GPC5: variants seen among roughly 807,000 people sequenced by gnomAD.
GPC5 encodes the protein glypican 5.
Under a neutral mutation model 53.9 loss-of-function variants are expected in GPC5, and 47 were observed. The ratio of observed to expected loss-of-function variants is 0.87; its 90% CI spans 0.69 to 1.11. GPC5 has a LOEUF of 1.11. Among genes scored for constraint, GPC5 ranks in the 50% most tolerant of loss-of-function variants. The pLI is 0.00. For missense variants in GPC5, 748 were observed against 713.1 expected (o/e 1.05, Z -0.56); for synonymous variants, 286 against 263.3 (o/e 1.09, Z -0.84).
chr13:91,707,664 G>C (rs1413243196), intron 3 of GPC5, among the ~76,000 whole-genome samples: 2 of 152,118 alleles, frequency 1.3e-5, no homozygotes, highest in Non-Finnish European at 2.9e-5. Flanking sequence ...CAAAGTGTTT[G>C]TGAGGCTGTG....
chr13:92,272,197 A>G (rs1424677708), intron 7 of GPC5, among the ~76,000 whole-genome samples: 2 of 152,178 alleles, frequency 1.3e-5, no homozygotes, highest in African/African-American at 4.8e-5. Flanking sequence ...TGATCCTAAT[A>G]TACCCTTCCC....
intron 7 of GPC5, among the ~76,000 whole-genome samples, chr13:92,511,154 T>A (rs1200004316): frequency 6.6e-6 from 1 of 152,202 alleles, no homozygotes; most frequent in Non-Finnish European, 1.5e-5. Flanking sequence ...TTGAACAGAC[T>A]TTATTTCTGT....
intron 7 of GPC5, among the ~76,000 whole-genome samples, chr13:92,758,267 G>T (rs1301247838): frequency 2.0e-5 from 3 of 149,422 alleles, no homozygotes; most frequent in Non-Finnish European, 1.5e-5. Flanking sequence ...TCATTCATAG[G>T]TGGGAATTGA....
At chr13:91,801,430 A>G (rs2038135051) in intron 5 of GPC5, among the ~76,000 whole-genome samples, 1 of 152,076 alleles carries the variant, frequency 6.6e-6, no homozygotes, top group Non-Finnish European at 1.5e-5. Context: ...AGCATTCATA[A>G]TTTTTCTTGG....
At chr13:91,558,988 T>G (rs1238361392) in intron 2 of GPC5, among the ~76,000 whole-genome samples, 1 of 152,110 alleles carries the variant, frequency 6.6e-6, no homozygotes, top group Non-Finnish European at 1.5e-5. Context: ...TTCTTTATGG[T>G]GAACACTTAC....
chr13:92,193,036 GT>G (rs1476597429), intron 7 of GPC5, among the ~76,000 whole-genome samples: 1 of 152,086 alleles, frequency 6.6e-6, no homozygotes, highest in Non-Finnish European at 1.5e-5. Flanking sequence ...TTAGCTGGGT[GT>G]GTTGGCGAGT....
At chr13:91,522,460 C>T (rs2139372203) in intron 2 of GPC5, among the ~76,000 whole-genome samples, 1 of 152,250 alleles carries the variant, frequency 6.6e-6, no homozygotes, top group Admixed American at 6.5e-5. Context: ...ATAGTTTTCC[C>T]CATAGCTGCG....
chr13:91,578,955 A>T (rs112036797), intron 2 of GPC5, among the ~76,000 whole-genome samples: 9,321 of 152,016 alleles, frequency 0.061, 940 homozygotes, highest in African/African-American at 0.21. Context: ...CTGAGGTGGG[A>T]GGATTGCTTG....
intron 5 of GPC5, among the ~76,000 whole-genome samples, chr13:91,758,975 G>A (rs1361250699): frequency 6.6e-6 from 1 of 151,966 alleles, no homozygotes; most frequent in Non-Finnish European, 1.5e-5. Flanking sequence ...GCCAGCATAT[G>A]AGCCTCACAC....
At position 91,993,883 on chromosome 13, in the gene GPC5, T is replaced by C. The variant is rs569883116; in HGVS notation, c.1401+85826T>C. Among the ~76,000 whole-genome samples, 67 of 152,240 alleles carry C rather than the reference T, an allele frequency of 4.4e-4. 1 individual carries two copies. Among genetic ancestry groups the C allele is most frequent in the African/African-American group, 1.6e-3 (66 of 41,526 alleles). On this transcript the variant is annotated intron_variant, in intron 6 of 7. Transcript: ENST00000377067. ...AATGATCAGGATGTCTGTGACAATA[T>C]TATATAATGTGACACTTGATACAGT...
intron 7 of GPC5, among the ~76,000 whole-genome samples, chr13:92,479,478 T>A (rs941103624): frequency 6.6e-6 from 1 of 151,978 alleles, no homozygotes; most frequent in African/African-American, 2.4e-5. Flanking sequence ...TCAATTAGAG[T>A]GGTCTGAGGA....
chr13:91,459,155 A>G (rs910113780), intron 2 of GPC5, among the ~76,000 whole-genome samples: 1 of 151,970 alleles, frequency 6.6e-6, no homozygotes, highest in Admixed American at 6.6e-5. Context: ...AGTCACCGCT[A>G]AAGAACTTAT....
rs567047461 is a variant in GPC5, at chr13:92,847,568, T to C, written c.1562-18714T>C. Among the ~76,000 whole-genome samples, 11 of 152,170 alleles carry C rather than the reference T, an allele frequency of 7.2e-5. 1 individual carries two copies. In the South Asian group the frequency reaches 2.3e-3, roughly 32 times the overall value. ...CCCCTTCACCTTCTGCCATAATTGC[T>C]AGTTCCTGAGGCATCCCCAGCAGTG... On this transcript the variant is annotated intron_variant, in intron 7 of 7. Coordinates refer to ENST00000377067, the MANE Select transcript of GPC5 (RefSeq NM_004466.6).
At chr13:92,743,729 A>G (rs894173858) in intron 7 of GPC5, among the ~76,000 whole-genome samples, 1 of 152,118 alleles carries the variant, frequency 6.6e-6, no homozygotes, top group Non-Finnish European at 1.5e-5. Context: ...GGTTTCTCAT[A>G]AATAGCTCTT....
At chr13:91,824,022 C>A (rs527848962) in intron 5 of GPC5, among the ~76,000 whole-genome samples, 1 of 152,004 alleles carries the variant, frequency 6.6e-6, no homozygotes, top group African/African-American at 2.4e-5. Context: ...AAATCATGGG[C>A]CAGTACAGAA....
intron 4 of GPC5, among the ~76,000 whole-genome samples, chr13:91,743,705 A>T (rs1406103109): frequency 1.3e-5 from 2 of 150,186 alleles, no homozygotes; most frequent in African/African-American, 5.1e-5. Flanking sequence ...TACACATGTG[A>T]TAGAGAGACA....
At chr13:91,874,534 C>T (rs761059211) in intron 5 of GPC5, among the ~76,000 whole-genome samples, 1 of 152,022 alleles carries the variant, frequency 6.6e-6, no homozygotes, top group Admixed American at 6.6e-5. Flanking sequence ...AACATCTATG[C>T]CCATATATTT....
intron 6 of GPC5, among the ~76,000 whole-genome samples, chr13:91,917,042 C>T (rs1297015442): frequency 6.6e-6 from 1 of 152,136 alleles, no homozygotes; most frequent in East Asian, 1.9e-4. Context: ...AAAATTTTAA[C>T]TAATTCTAGC....
At chr13:92,420,913 T>G (rs1349002616) in intron 7 of GPC5, among the ~76,000 whole-genome samples, 1 of 152,224 alleles carries the variant, frequency 6.6e-6, no homozygotes, top group Non-Finnish European at 1.5e-5. Flanking sequence ...CTAAGTTGTT[T>G]CCAAATTTTG....
Sources: gnomAD v4.1 joint callset for allele counts (sites outside exome capture counted in the v4.1 genomes callset) on GRCh38, gnomAD v4.1.1 for gene constraint, MANE v1.5 for transcripts, NCBI Gene and HGNC (gene_info 2026-07-23, HGNC 2026-07-21) for gene names.